RBFOX1: variants seen among roughly 807,000 people sequenced by gnomAD.
The protein encoded by RBFOX1 is RNA binding fox-1 homolog 1.
Under a neutral mutation model 57.7 loss-of-function variants are expected in RBFOX1, and 8 were observed. The ratio of observed to expected loss-of-function variants is 0.14; its 90% CI spans 0.08 to 0.25. RBFOX1 has a LOEUF of 0.25. RBFOX1 is among the 10% of genes least tolerant of loss of function. RBFOX1 has a pLI of 1.00. For synonymous variants in RBFOX1, 326 were observed against 222.4 expected (o/e 1.47, Z -4.15); for missense variants, 611 against 548.5 (o/e 1.11, Z -1.14).
chr16:6,538,919 C>G (rs1302325698), intron 2 of RBFOX1, among the ~76,000 whole-genome samples: 3 of 152,072 alleles, frequency 2.0e-5, no homozygotes, highest in African/African-American at 7.2e-5. Context: ...ATTGTCTGTT[C>G]TTAGCTGGTG....
At chr16:7,621,291 G>A (rs61233911) in intron 10 of RBFOX1, among the ~76,000 whole-genome samples, 3,278 of 151,780 alleles carry the variant, frequency 0.022, 110 homozygotes, top group African/African-American at 0.076. Context: ...TTGAGATGGA[G>A]TCTCCATCAC....
At chr16:6,930,017 C>G (rs71374921) in intron 3 of RBFOX1, among the ~76,000 whole-genome samples, 1 of 152,154 alleles carries the variant, frequency 6.6e-6, no homozygotes, top group Non-Finnish European at 1.5e-5. Flanking sequence ...CGAGATCTCT[C>G]TCTTCTCTCC....
intron 9 of RBFOX1, among the ~76,000 whole-genome samples, chr16:7,607,028 A>G (rs901487271): frequency 6.6e-6 from 1 of 152,130 alleles, no homozygotes; most frequent in African/African-American, 2.4e-5. Flanking sequence ...TTACCATGTC[A>G]TTTTCAAAGG....
At chr16:7,638,142 C>T (rs762120045) in intron 11 of RBFOX1, among the ~76,000 whole-genome samples, 35 of 152,276 alleles carry the variant, frequency 2.3e-4, no homozygotes, top group East Asian at 7.7e-4. Context: ...CGACAGTGAA[C>T]GCCTGTTAAC....
intron 3 of RBFOX1, among the ~76,000 whole-genome samples, chr16:6,739,609 G>T (rs2071436926): frequency 6.6e-6 from 1 of 151,906 alleles, no homozygotes; most frequent in Non-Finnish European, 1.5e-5. Context: ...AGGTGGGGTG[G>T]CTCATGCCTG....
At chr16:5,922,289 C>G (rs1312796074) in intron 4 of RBFOX1, among the ~76,000 whole-genome samples, 2 of 152,170 alleles carry the variant, frequency 1.3e-5, no homozygotes, top group Admixed American at 6.5e-5. Flanking sequence ...CCTGCCATCT[C>G]CAACACTGGG....
At chr16:6,923,877 G>A (rs1410663817) in intron 3 of RBFOX1, among the ~76,000 whole-genome samples, 3 of 152,050 alleles carry the variant, frequency 2.0e-5, no homozygotes, top group African/African-American at 7.2e-5. Context: ...TTGCTATAAA[G>A]AAATACCTGA....
At chr16:5,951,891 C>CAT (rs955817570) in intron 4 of RBFOX1, among the ~76,000 whole-genome samples, 22 of 151,580 alleles carry the variant, frequency 1.5e-4, no homozygotes, top group South Asian at 8.4e-4. Context: ...TGTGTATATA[C>CAT]ATATATATAC....
At chr16:6,710,745 A>G (rs1331474699) in intron 3 of RBFOX1, among the ~76,000 whole-genome samples, 1 of 152,228 alleles carries the variant, frequency 6.6e-6, no homozygotes, top group Admixed American at 6.5e-5. Flanking sequence ...ATGGCAGGAA[A>G]ATGGCCCTTG....
At chr16:6,027,417 C>T (rs1264564694) in intron 1 of RBFOX1, among the ~76,000 whole-genome samples, 1 of 152,160 alleles carries the variant, frequency 6.6e-6, no homozygotes, top group Non-Finnish European at 1.5e-5. Context: ...AGGAAGGAGG[C>T]AGTGCAGGTA....
intron 1 of RBFOX1, among the ~76,000 whole-genome samples, chr16:6,241,866 C>T (rs1479215557): frequency 2.0e-5 from 3 of 152,130 alleles, no homozygotes; most frequent in Non-Finnish European, 4.4e-5. Context: ...ACTGCAAAAG[C>T]CCAACACATT....
chr16:6,192,809 A>G (rs537895753), intron 1 of RBFOX1, among the ~76,000 whole-genome samples: 11 of 152,136 alleles, frequency 7.2e-5, no homozygotes, highest in Non-Finnish European at 1.5e-4. Flanking sequence ...GCACTAAAAG[A>G]TTTCCGTAAA....
chr16:6,561,913 T>C (rs2097184096), intron 2 of RBFOX1, among the ~76,000 whole-genome samples: 1 of 152,206 alleles, frequency 6.6e-6, no homozygotes, highest in Admixed American at 6.5e-5. Flanking sequence ...AATGAGTATG[T>C]ATCACTCTGG....
intron 3 of RBFOX1, among the ~76,000 whole-genome samples, chr16:6,833,868 G>A (rs2092894985): frequency 1.3e-5 from 2 of 152,054 alleles, no homozygotes; most frequent in African/African-American, 4.8e-5. Flanking sequence ...AGGAGACAGC[G>A]TGGGCACAGC....
intron 3 of RBFOX1, among the ~76,000 whole-genome samples, chr16:6,834,995 C>A (rs760757217): frequency 2.0e-5 from 3 of 151,670 alleles, no homozygotes; most frequent in African/African-American, 7.3e-5. Flanking sequence ...CAGGTTCACG[C>A]CATTCTCCTG....
chr16:6,492,976 G>A (rs756093891), intron 2 of RBFOX1, among the ~76,000 whole-genome samples: 5 of 152,180 alleles, frequency 3.3e-5, no homozygotes, highest in Non-Finnish European at 7.3e-5. Context: ...ACTAAGAGAG[G>A]GGCAGGGAAG....
chr16:5,300,422 G>T (rs2063775276), intron 1 of RBFOX1, among the ~76,000 whole-genome samples: 1 of 152,056 alleles, frequency 6.6e-6, no homozygotes. Flanking sequence ...CACTGCTTGG[G>T]TGATGAGTGC....
intron 1 of RBFOX1, among the ~76,000 whole-genome samples, chr16:5,281,502 T>A (rs2063270717): frequency 6.6e-6 from 1 of 152,218 alleles, no homozygotes. Context: ...CTAGATGAAC[T>A]GTCCAATGCT....
At chr16:6,287,534 A>G (rs991733568) in intron 1 of RBFOX1, among the ~76,000 whole-genome samples, 1 of 152,176 alleles carries the variant, frequency 6.6e-6, no homozygotes, top group Non-Finnish European at 1.5e-5. Context: ...AGGCTCATCT[A>G]GCATCATTCT....
Sources: allele counts gnomAD v4.1 joint callset (sites outside exome capture counted in the v4.1 genomes callset), GRCh38; gene constraint gnomAD v4.1.1; transcripts MANE v1.5; gene names NCBI Gene and HGNC (gene_info 2026-07-23, HGNC 2026-07-21).